The following TNRC18 variants were observed in gnomAD, a reference collection of about 807,000 sequenced individuals.
TNRC18 encodes the protein trinucleotide repeat-containing gene 18 protein.
Under a neutral mutation model 226.7 loss-of-function variants are expected in TNRC18, and 69 were observed. The ratio of observed to expected loss-of-function variants is 0.30; its 90% CI spans 0.25 to 0.37. TNRC18 has a LOEUF of 0.37. Ranked by LOEUF, TNRC18 falls within the 10% of genes least tolerant of loss-of-function variation. The probability of loss-of-function intolerance (pLI) is 1.00; values close to 1 mark genes in which losing one functional copy is unlikely to be tolerated. For missense variants in TNRC18, 4,754 were observed against 4,256.6 expected (o/e 1.12, Z -3.25); for synonymous variants, 2,449 against 1,927.6 (o/e 1.27, Z -7.09).
At chr7:5,407,222 G>A (rs990049524) in intron 2 of TNRC18, 4 of 152,468 alleles carry the variant, frequency 2.6e-5, no homozygotes, top group Admixed American at 6.5e-5. Flanking sequence ...ACTCCCATCG[G>A]CGCAGAAAAG....
At position 5,370,864 on chromosome 7, in the gene TNRC18, C is replaced by G; in HGVS notation, c.3730G>C (p.Asp1244His). Residue 1244 changes from aspartate to histidine, a missense_variant, in exon 11 of 30, where the codon GAC becomes CAC. By Grantham distance (81) the Asp-to-His change is moderately conservative. Coordinates refer to ENST00000430969, the MANE Select transcript of TNRC18 (RefSeq NM_001080495.3). The part of the protein sequence containing the change: ...GRTEPCTAAL[D>H]LGVQLTPETL... ...TCGGGTGTCAGCTGCACCCCCAGGTCCAGGGCGGCGGTGCAGGGTTCTGTC... is the reference window on the plus strand; with the variant it reads ...TCGGGTGTCAGCTGCACCCCCAGGTGCAGGGCGGCGGTGCAGGGTTCTGTC... 1.2e-6 allele frequency: 2 copies of G among 1,608,516 alleles called. No homozygotes were observed. The highest frequency in any genetic ancestry group is 1.7e-6 in the Non-Finnish European group (2 of 1,179,688).
chr7:5,415,193 A>G (rs1782100575), intron 2 of TNRC18, among the ~76,000 whole-genome samples: 1 of 151,496 alleles, frequency 6.6e-6, no homozygotes, highest in African/African-American at 2.4e-5. Context: ...CAGATACGCC[A>G]GGCTCTGACT....
chr7:5,315,825 A>G (rs1787792856), intron 25 of TNRC18, 131 bp downstream of exon 25: 3 of 643,456 alleles, frequency 4.7e-6, no homozygotes, highest in East Asian at 3.2e-5. Flanking sequence ...GAGCCCACCC[A>G]TGGCTTCTGC....
At chr7:5,416,700 A>T (rs1203102964) in intron 2 of TNRC18, among the ~76,000 whole-genome samples, 1 of 151,056 alleles carries the variant, frequency 6.6e-6, no homozygotes, top group Non-Finnish European at 1.5e-5. Flanking sequence ...TACTAAAAAT[A>T]AAAAAAATTA....
chr7:5,393,097 C>T (rs937273265), intron 3 of TNRC18, among the ~76,000 whole-genome samples: 3 of 152,230 alleles, frequency 2.0e-5, no homozygotes, highest in Admixed American at 6.5e-5. Context: ...CTGTGGTAAG[C>T]ACCCTGTGTG....
rs575265975 is a variant in TNRC18 at position 5,309,252 on chromosome 7, C to T, written c.8505G>A (p.Leu2835=). 40 of 1,613,908 alleles carry T rather than the reference C, an allele frequency of 2.5e-5. No homozygotes were observed. In the Admixed American group the frequency reaches 6.2e-4, roughly 25 times the overall value. The change falls in exon 28 of 30, where the codon CTG becomes CTA. Residue 2835 remains leucine (L), a synonymous_variant. Coordinates refer to ENST00000430969, the MANE Select transcript of TNRC18 (RefSeq NM_001080495.3). This position sits in a 1 kb window ranked among gnomAD's most constrained non-coding sequence, Gnocchi z 5.7. ...TGCTCTGGATGCGGCCGATGTAGGG[C>T]AGGTTGGGGCGGCCGGCAGAGAGGA... ...AVFLSAGRPN[L]PYIGRIQSMW... is the part of the protein sequence containing the mutation.
intron 18 of TNRC18, among the ~76,000 whole-genome samples, chr7:5,334,800 C>T (rs2128129478): frequency 6.6e-6 from 1 of 152,184 alleles, no homozygotes; most frequent in South Asian, 2.1e-4. Flanking sequence ...CAGGGAGGGA[C>T]AGTAGACAGA....
chr7:5,414,658 C>T (rs1178713539), intron 2 of TNRC18, among the ~76,000 whole-genome samples: 2 of 152,128 alleles, frequency 1.3e-5, no homozygotes, highest in Admixed American at 6.5e-5. Context: ...GTGATCCACC[C>T]GCCTCAGCCT....
At chr7:5,342,378 G>A (rs184051404) in intron 18 of TNRC18, among the ~76,000 whole-genome samples, 10 of 151,290 alleles carry the variant, frequency 6.6e-5, no homozygotes, top group Admixed American at 2.6e-4. Flanking sequence ...GCAGTGAGCC[G>A]AGATCGCACC....
chr7:5,416,173 G>C (rs1782175580), intron 2 of TNRC18, among the ~76,000 whole-genome samples: 1 of 151,142 alleles, frequency 6.6e-6, no homozygotes, highest in Non-Finnish European at 1.5e-5. Context: ...TCAGCACTTT[G>C]GGAGGCCGAG....
At chr7:5,318,323 A>G (rs1788048335) in intron 24 of TNRC18, among the ~76,000 whole-genome samples, 1 of 152,090 alleles carries the variant, frequency 6.6e-6, no homozygotes. Flanking sequence ...CTGGTGGACA[A>G]TTTTTTTAAA....
At chr7:5,356,832 G>GC in intron 16 of TNRC18, 84 bp downstream of exon 16, 4 of 1,435,730 alleles carry the variant, frequency 2.8e-6, no homozygotes, top group South Asian at 2.9e-5. Flanking sequence ...GTGAGGGGCG[G>GC]GGGGGGAAGG....
In TNRC18 at chr7:5,345,419, G is replaced by C. The variant is rs989821076; in HGVS notation, c.5719+143C>G. On this transcript the variant is annotated intron_variant, in intron 18 of 29. Coordinates refer to ENST00000430969, the MANE Select transcript of TNRC18 (RefSeq NM_001080495.3). ...GTCGCGAGCATCCCTGATCAGCACG[G>C]GGCTGGCCCACGAGGCTGGGGTTCT... 1.1e-5 allele frequency: 9 copies of C among 818,370 alleles called. No homozygotes were observed. In the Admixed American group the frequency reaches 2.3e-4, roughly 21 times the overall value. 50.7% of individuals were successfully genotyped at this position (818,370 alleles called of 1,614,324 possible).
rs914269796 is a variant in TNRC18 at position 5,351,812 on chromosome 7, T to C, written c.5470+7A>G. The stretch of plus-strand genomic sequence containing the variant: ...ACGGAAGGTATTTTGTGTTTGGAGC[T>C]AGTAACCTTGGTCAAACGATTCCTC... On this transcript the variant is annotated splice_region_variant and intron_variant, in intron 17 of 29. Transcript: ENST00000430969. 2 of 1,574,936 alleles carry C rather than the reference T, an allele frequency of 1.3e-6. No individual in the cohort carries two copies. The highest frequency in any genetic ancestry group is 1.4e-5 in the African/African-American group (1 of 73,012).
intron 18 of TNRC18, among the ~76,000 whole-genome samples, chr7:5,341,172 G>T (rs536497368): frequency 1.0e-3 from 153 of 151,974 alleles, no homozygotes; most frequent in African/African-American, 3.6e-3. Flanking sequence ...AGCACTTTGG[G>T]AGGCTGAGGC....
chr7:5,416,596 C>T (rs1782204182), intron 2 of TNRC18, among the ~76,000 whole-genome samples: 1 of 151,210 alleles, frequency 6.6e-6, no homozygotes, highest in Non-Finnish European at 1.5e-5. Context: ...TGGCTCATGC[C>T]TGTAATCCCA....
At chr7:5,362,564 G>A (rs1003099683) in intron 12 of TNRC18, 86 bp downstream of exon 12, 16 of 1,322,810 alleles carry the variant, frequency 1.2e-5, no homozygotes, top group South Asian at 1.1e-4. Context: ...AGCCAGCCAC[G>A]CCCCAGGCAG....
At chr7:5,359,778 G>A (rs1460678295) in intron 14 of TNRC18, among the ~76,000 whole-genome samples, 12 of 152,194 alleles carry the variant, frequency 7.9e-5, no homozygotes, top group Admixed American at 7.9e-4. Flanking sequence ...AGTTTAAGGT[G>A]AAAGAAGGAA....
At chr7:5,417,754 C>T (rs1308833260) in intron 2 of TNRC18, among the ~76,000 whole-genome samples, 1 of 152,208 alleles carries the variant, frequency 6.6e-6, no homozygotes, top group Admixed American at 6.5e-5. Flanking sequence ...GATTCCAGAA[C>T]CCTCCCAGGG....
Sources: gnomAD v4.1 joint callset for allele counts (sites outside exome capture counted in the v4.1 genomes callset) on GRCh38, gnomAD v4.1.1 for gene constraint, Gnocchi (gnomAD v3.1) non-coding constraint, MANE v1.5 for transcripts, NCBI Gene and HGNC (gene_info 2026-07-23, HGNC 2026-07-21) for gene names.